SLC38A8: variants seen among roughly 807,000 people sequenced by gnomAD.
SLC38A8 encodes the protein solute carrier family 38 member 8.
In SLC38A8, 65 loss-of-function variants were observed where a neutral mutation model predicts 46.0. The observed-to-expected ratio is 1.41, with a 90% confidence interval of 1.16 to 1.74. The LOEUF is 1.74. SLC38A8 is among the 40% of genes most tolerant of loss of function. The pLI is 0.00. For missense variants in SLC38A8, 998 were observed against 567.9 expected, an observed-to-expected ratio of 1.76 and a Z score of -7.70; for synonymous variants, 447 against 243.7, an observed-to-expected ratio of 1.83 and a Z score of -7.77.
intron 3 of SLC38A8, among the ~76,000 whole-genome samples, chr16:84,036,263 T>C (rs771065998): frequency 1.3e-5 from 2 of 152,128 alleles, no homozygotes; most frequent in Non-Finnish European, 2.9e-5. Context: ...AAAATGAAAA[T>C]AGGACATATG....
rs372933206 is a variant in SLC38A8 at position 84,020,703 on chromosome 16, A to G, written c.805+2072T>C. 1.3e-4 allele frequency among the ~76,000 whole-genome samples: 20 copies of G among 152,310 alleles called. 1 individual carries two copies. The South Asian group carries it at 4.1e-3, about 32-fold the overall frequency. On this transcript the variant is annotated intron_variant, in intron 7 of 10. Transcript: ENST00000299709. ...TGGAGGCACCCTGGGTCTGTCCCCAAAACCATCCTGCCCTTGAGGCCTCTG... is the reference window on the plus strand; with the variant it reads ...TGGAGGCACCCTGGGTCTGTCCCCAGAACCATCCTGCCCTTGAGGCCTCTG...
intron 6 of SLC38A8, among the ~76,000 whole-genome samples, chr16:84,024,752 C>T (rs1403563163): frequency 6.6e-6 from 1 of 152,110 alleles, no homozygotes; most frequent in East Asian, 2.0e-4. Context: ...TGAAGTGGCG[C>T]GAACTTGGCT....
At chr16:84,023,660 G>C (rs796837932) in intron 6 of SLC38A8, among the ~76,000 whole-genome samples, 1 of 152,160 alleles carries the variant, frequency 6.6e-6, no homozygotes, top group Non-Finnish European at 1.5e-5. Flanking sequence ...TTGGGAGGCC[G>C]AAGGGGGCAG....
rs781138776 is a variant in SLC38A8 at position 84,041,970 on chromosome 16, A to G, written c.188T>C (p.Leu63Pro). 2.5e-6 allele frequency: 4 copies of G among 1,586,656 alleles called. No homozygotes were observed. Among genetic ancestry groups the G allele is most frequent in the Non-Finnish European group, 3.4e-6 (4 of 1,164,962 alleles). ...GGVVPAFLVE[L>P]VSLVFLISGL... is the part of the protein sequence containing the mutation. ...AGGACTCACTTCCCGGGGACTTACC[A>G]GCTCCACCAGGAAGGCAGGGACCAC... The change falls in exon 2 of 11, where the codon CTG becomes CCG. Residue 63 changes from leucine to proline, a missense_variant and splice_region_variant. Coordinates refer to ENST00000299709, the MANE Select transcript of SLC38A8 (RefSeq NM_001080442.3).
Position 84,042,072 on chromosome 16 carries a change from G to C in SLC38A8, c.86C>G (p.Ala29Gly), listed in dbSNP as rs2085374068. Residue 29 changes from alanine to glycine, a missense_variant, in exon 2 of 11, where the codon GCT becomes GGT. Physicochemically the swap from Ala to Gly is moderately conservative, Grantham distance 60 (BLOSUM62 0). Coordinates refer to ENST00000299709, the MANE Select transcript of SLC38A8 (RefSeq NM_001080442.3). ...CGCGGACTTCATGAGGATGAAGACA[G>C]CGCCCATCGAGGACAGAGTGGCAGC... is the stretch of plus-strand genomic sequence containing the variant. Reference protein sequence around the residue: ...TAAATLSSMGAVFILMKSALG... With the variant: ...TAAATLSSMGGVFILMKSALG... 1 of 1,613,974 alleles carries C rather than the reference G, an allele frequency of 6.2e-7. No individual in the cohort carries two copies. The highest frequency in any genetic ancestry group is 8.5e-7 in the Non-Finnish European group (1 of 1,180,010).
In SLC38A8 at chr16:84,036,912, G is replaced by A. The variant is rs772716212; in HGVS notation, c.190-12C>T. 2.5e-6 allele frequency: 4 copies of A among 1,603,288 alleles called. No individual in the cohort carries two copies. In the African/African-American group the frequency reaches 5.4e-5, roughly 21 times the overall value. ...AAGACCAACGAGACCTGCGGAGAAG[G>A]AGCAGGACCTGGAACTGGGGTGTGC... is the stretch of plus-strand genomic sequence containing the variant. On this transcript the variant is annotated splice_polypyrimidine_tract_variant and intron_variant, in intron 2 of 10. Coordinates refer to ENST00000299709, the MANE Select transcript of SLC38A8 (RefSeq NM_001080442.3).
At chr16:84,033,523 C>T (rs1242196149) in intron 3 of SLC38A8, 54 bp from the exon 4 acceptor site, 117 of 1,517,802 alleles carry the variant, frequency 7.7e-5, no homozygotes, top group Non-Finnish European at 9.3e-5. Context: ...CGTGGGTTCT[C>T]GGCTCCCACC....
At chr16:84,024,992 T>G (rs1287049344) in intron 6 of SLC38A8, among the ~76,000 whole-genome samples, 1 of 152,134 alleles carries the variant, frequency 6.6e-6, no homozygotes, top group African/African-American at 2.4e-5. Context: ...AAGAATTTTT[T>G]TAACGCAAAA....
At position 84,009,677 on chromosome 16, in the gene SLC38A8, C is replaced by T. The variant is rs1334683936; in HGVS notation, c.*107G>A. 5 of 961,300 alleles carry T rather than the reference C, an allele frequency of 5.2e-6. No individual in the cohort carries two copies. The highest frequency in any genetic ancestry group is 2.8e-5 in the Admixed American group (1 of 35,382). 59.5% of individuals were successfully genotyped at this position (961,300 alleles called of 1,614,324 possible). A position where few individuals can be genotyped will look rare whatever the true frequency, so the allele number is the denominator to read the frequency against. On this transcript the variant is annotated 3_prime_UTR_variant, in exon 11 of 11. Coordinates refer to ENST00000299709, the MANE Select transcript of SLC38A8 (RefSeq NM_001080442.3). ...AGGAGGCAGAAGGCATCAGTCTCTCCAGCATCTTTATGAGGAAAAGAAATG... is the reference window on the plus strand; with the variant it reads ...AGGAGGCAGAAGGCATCAGTCTCTCTAGCATCTTTATGAGGAAAAGAAATG...
intron 7 of SLC38A8, among the ~76,000 whole-genome samples, chr16:84,017,826 C>G (rs956702161): frequency 6.6e-6 from 1 of 152,140 alleles, no homozygotes; most frequent in African/African-American, 2.4e-5. Flanking sequence ...AGATAGGTCT[C>G]TAAGAGCCAT....
chr16:84,039,004 G>A (rs915390781), intron 2 of SLC38A8, among the ~76,000 whole-genome samples: 3 of 152,164 alleles, frequency 2.0e-5, no homozygotes, highest in Admixed American at 6.5e-5. Flanking sequence ...GTGAAAAAGG[G>A]GTTTGCCTCT....
intron 3 of SLC38A8, among the ~76,000 whole-genome samples, chr16:84,035,188 A>G (rs1228739277): frequency 6.6e-6 from 1 of 152,200 alleles, no homozygotes; most frequent in Non-Finnish European, 1.5e-5. Flanking sequence ...CAGCAACGCT[A>G]CCAGTTCAGT....
At chr16:84,029,371 C>G in intron 6 of SLC38A8, 123 bp downstream of exon 6, 2 of 975,116 alleles carry the variant, frequency 2.1e-6, no homozygotes, top group Admixed American at 2.3e-5. Context: ...ACAGAGCCCA[C>G]TGTATCCTAG....
At chr16:84,011,672 G>A (rs1038559121) in intron 10 of SLC38A8, among the ~76,000 whole-genome samples, 2 of 152,224 alleles carry the variant, frequency 1.3e-5, no homozygotes, top group Non-Finnish European at 2.9e-5. Context: ...GATCTTGAGA[G>A]AAGATACAAC....
chr16:84,043,179 G>A (rs546072416), upstream of SLC38A8, among the ~76,000 whole-genome samples: 3 of 152,308 alleles, frequency 2.0e-5, no homozygotes, highest in South Asian at 4.1e-4. Context: ...CACCTGAGAC[G>A]GGGCTTGTTG....
At chr16:84,023,693 A>C (rs1488752799) in intron 6 of SLC38A8, among the ~76,000 whole-genome samples, 1 of 152,160 alleles carries the variant, frequency 6.6e-6, no homozygotes, top group Non-Finnish European at 1.5e-5. Context: ...CAGGAGTTTG[A>C]GACCAGCCTG....
intron 10 of SLC38A8, among the ~76,000 whole-genome samples, chr16:84,011,276 T>A (rs912491512): frequency 2.0e-5 from 3 of 152,166 alleles, no homozygotes; most frequent in African/African-American, 4.8e-5. Context: ...TAAAAACTGT[T>A]GTGAGCTCAG....
Position 84,017,177 on chromosome 16 carries a change from T to C in SLC38A8, c.916A>G (p.Ile306Val), listed in dbSNP as rs779889737. The change falls in exon 8 of 11, where the codon ATC (isoleucine) becomes GTC (valine). Residue 306 changes from isoleucine (I) to valine (V), a missense_variant. Coordinates refer to ENST00000299709, the MANE Select transcript of SLC38A8 (RefSeq NM_001080442.3). The stretch of plus-strand genomic sequence containing the variant: ...AGCACGATGGGGTAGACAGTTACGA[T>C]GGAGACAGCAAAAAGGACCCGGGCC... ...IVARVLFAVS[I>V]VTVYPIVLFL... 9 of 1,613,896 alleles carry C rather than the reference T, an allele frequency of 5.6e-6. No homozygotes were observed. Among genetic ancestry groups the C allele is most frequent in the Non-Finnish European group, 6.8e-6 (8 of 1,180,020 alleles).
chr16:84,043,345 A>G (rs184241079), upstream of SLC38A8, among the ~76,000 whole-genome samples: 1 of 152,208 alleles, frequency 6.6e-6, no homozygotes, highest in East Asian at 1.9e-4. Flanking sequence ...CCGGAATTTG[A>G]CTGTTTATTC....
Sources: allele counts gnomAD v4.1 joint callset (sites outside exome capture counted in the v4.1 genomes callset), GRCh38; gene constraint gnomAD v4.1.1; transcripts MANE v1.5; gene names NCBI Gene and HGNC (gene_info 2026-07-23, HGNC 2026-07-21).